VANGL1: variants seen among roughly 807,000 people sequenced by gnomAD.
VANGL1 encodes the protein VANGL planar cell polarity protein 1, also known as vang-like protein 1.
Under a neutral mutation model 48.4 loss-of-function variants are expected in VANGL1, and 18 were observed. That is an observed-to-expected ratio of 0.37 (90% CI 0.26 to 0.55). The LOEUF is 0.55. VANGL1 is among the 20% of genes least tolerant of loss of function. VANGL1 has a pLI of 0.81. For missense variants in VANGL1, 667 were observed against 675.8 expected (o/e 0.99, Z 0.14); for synonymous variants, 257 against 261.8 (o/e 0.98, Z 0.18).
chr1:115,681,976 C>T (rs1653410105), intron 4 of VANGL1, among the ~76,000 whole-genome samples: 3 of 152,246 alleles, frequency 2.0e-5, no homozygotes, highest in Admixed American at 1.3e-4. Flanking sequence ...CTCATTAGCT[C>T]TGCAACCATT....
At chr1:115,643,607 G>A (rs1377531195) in intron 1 of VANGL1, among the ~76,000 whole-genome samples, 1 of 152,216 alleles carries the variant, frequency 6.6e-6, no homozygotes, top group Non-Finnish European at 1.5e-5. Flanking sequence ...AATGTTGGCA[G>A]TGAGGCTTGC....
chr1:115,663,043 C>T (rs1652626958), intron 3 of VANGL1, among the ~76,000 whole-genome samples: 1 of 152,144 alleles, frequency 6.6e-6, no homozygotes, highest in Non-Finnish European at 1.5e-5. Flanking sequence ...CCTCGGCCTT[C>T]CAAAGTACGG....
chr1:115,690,407 G>A (rs1315492218), intron 7 of VANGL1, among the ~76,000 whole-genome samples: 2 of 152,252 alleles, frequency 1.3e-5, no homozygotes, highest in Non-Finnish European at 2.9e-5. Context: ...AGGTGCCACT[G>A]GAGCAGAGAA....
At chr1:115,665,989 G>A (rs958771097) in intron 4 of VANGL1, among the ~76,000 whole-genome samples, 7 of 152,216 alleles carry the variant, frequency 4.6e-5, no homozygotes, top group Non-Finnish European at 1.0e-4. Flanking sequence ...ATAGGTGATA[G>A]GAACACAGGA....
chr1:115,644,656 G>C (rs891429919), intron 1 of VANGL1, among the ~76,000 whole-genome samples: 6 of 152,200 alleles, frequency 3.9e-5, no homozygotes, highest in African/African-American at 1.2e-4. Flanking sequence ...TGTACCATCA[G>C]ATTTACAGAG....
Position 115,697,606 on chromosome 1 carries a change from TGAGAGAACCA to T in VANGL1, c.*6233_*6242del, listed in dbSNP as rs1341720115. On this transcript the variant is annotated 3_prime_UTR_variant, in exon 8 of 8. Transcript: ENST00000355485. ...ACCCCTTCCTCAACAGAAATGCTAC[TGAGAGAACCA>T]GAGAGGCCTGGGCCAGGCAGGTCTT... 1 of 152,208 alleles carries T rather than the reference TGAGAGAACCA, an allele frequency of 6.6e-6. No homozygotes were observed. The highest frequency in any genetic ancestry group is 1.5e-5 in the Non-Finnish European group (1 of 68,042). 9.4% of individuals were successfully genotyped at this position (152,208 alleles called of 1,614,324 possible).
At chr1:115,690,247 A>C (rs1653781724) in intron 7 of VANGL1, among the ~76,000 whole-genome samples, 1 of 152,256 alleles carries the variant, frequency 6.6e-6, no homozygotes, top group African/African-American at 2.4e-5. Flanking sequence ...CACGAGAGTC[A>C]GTGATTACAG....
At chr1:115,661,584 C>T (rs1430825643) in intron 3 of VANGL1, among the ~76,000 whole-genome samples, 3 of 151,920 alleles carry the variant, frequency 2.0e-5, no homozygotes, top group Non-Finnish European at 2.9e-5. Flanking sequence ...GTTATCCATT[C>T]TCCTAGTGGA....
At position 115,693,596 on chromosome 1, in the gene VANGL1, G is replaced by A. The variant is rs1220659320; in HGVS notation, c.*2217G>A. 1.3e-5 allele frequency: 2 copies of A among 152,084 alleles called. No individual in the cohort carries two copies. Among genetic ancestry groups the A allele is most frequent in the Non-Finnish European group, 1.5e-5 (1 of 68,008 alleles). The allele number at this position is 152,084 out of a possible 1,614,324, so 9.4% of individuals were successfully genotyped here. On this transcript the variant is annotated 3_prime_UTR_variant, in exon 8 of 8. Coordinates refer to ENST00000355485, the MANE Select transcript of VANGL1 (RefSeq NM_138959.3). ...GAATGTTAGACATTCAGAAATTACTGTTTCTGTTTTAAATTGAGTATTGAT... is the reference window on the plus strand; with the variant it reads ...GAATGTTAGACATTCAGAAATTACTATTTCTGTTTTAAATTGAGTATTGAT...
At chr1:115,650,527 A>G (rs1429001626) in intron 1 of VANGL1, among the ~76,000 whole-genome samples, 1 of 152,218 alleles carries the variant, frequency 6.6e-6, no homozygotes, top group Admixed American at 6.5e-5. Context: ...TTGTCCTTAC[A>G]TAAGCAATTT....
In VANGL1 at chr1:115,663,680, C is replaced by A. The variant is rs753271331; in HGVS notation, c.224C>A (p.Thr75Asn). ...CACCAGGATGACAACTGGGGAGAGA[C>A]CACCACGGCCATCACAGGCACCTCG... The part of the protein sequence containing the change: ...EEVQDDNWGE[T>N]TTAITGTSEH... Residue 75 changes from threonine (T) to asparagine (N), a missense_variant, in exon 4 of 8, where the codon ACC (threonine) becomes AAC (asparagine). Physicochemically the swap from Thr to Asn is moderately conservative, Grantham distance 65. Transcript: ENST00000355485. The A allele has an allele frequency of 1.2e-6, 2 of 1,614,164 alleles. No individual in the cohort carries two copies. The highest frequency in any genetic ancestry group is 1.7e-6 in the Non-Finnish European group (2 of 1,180,048).
At position 115,674,814 on chromosome 1, in the gene VANGL1, TG is replaced by T. The variant is rs577473151; in HGVS notation, c.813-7548del. On this transcript the variant is annotated intron_variant, in intron 4 of 7. Coordinates refer to ENST00000355485, the MANE Select transcript of VANGL1 (RefSeq NM_138959.3). ...GCCATAAAGTGTGAGGGCATCAGCC[TG>T]GATGAGCTCTAAAGCTCAATGTTAA... 1.4e-4 allele frequency among the ~76,000 whole-genome samples: 22 copies of T among 152,290 alleles called. 2 individuals are homozygous for T. In the South Asian group the frequency reaches 4.1e-3, roughly 29 times the overall value.
At chr1:115,683,916 C>T (rs1653488984) in intron 5 of VANGL1, 28 bp from the exon 6 acceptor site, 10 of 1,611,610 alleles carry the variant, frequency 6.2e-6, no homozygotes, top group Non-Finnish European at 8.5e-6. Flanking sequence ...GGTATTAACA[C>T]TATTCTTTCA....
intron 7 of VANGL1, 33 bp from the exon 8 acceptor site, chr1:115,691,086 T>A (rs1316654088): frequency 1.2e-6 from 2 of 1,613,974 alleles, no homozygotes; most frequent in Non-Finnish European, 1.7e-6. Flanking sequence ...ACAGGCTGTT[T>A]CTTCCCTAAT....
Position 115,682,376 on chromosome 1 carries a change from A to G in VANGL1, c.825A>G (p.Ala275=), listed in dbSNP as rs1208615869. Residue 275 remains alanine (A), a synonymous_variant, in exon 5 of 8, where the codon GCA becomes GCG. Transcript: ENST00000355485. ...YSLGHLSIQR[A]ALVVLENYYK... is the part of the protein sequence containing the mutation. ...CTTTTTTTCTCAGTATCCAGCGAGC[A>G]GCATTGGTGGTCCTAGAAAATTACT... 6.2e-7 allele frequency: 1 copy of G among 1,614,096 alleles called. No individual in the cohort carries two copies. The highest frequency in any genetic ancestry group is 1.3e-5 in the African/African-American group (1 of 74,934).
chr1:115,684,488 T>G (rs1373294006), intron 6 of VANGL1, among the ~76,000 whole-genome samples: 3 of 152,208 alleles, frequency 2.0e-5, no homozygotes, highest in Non-Finnish European at 1.5e-5. Flanking sequence ...ATGAGGTTTC[T>G]GTTTAAAAAC....
At position 115,675,018 on chromosome 1, in the gene VANGL1, A is replaced by G. The variant is rs144656906; in HGVS notation, c.813-7346A>G. On this transcript the variant is annotated intron_variant, in intron 4 of 7. Coordinates refer to ENST00000355485, the MANE Select transcript of VANGL1 (RefSeq NM_138959.3). ...CCTTTAGCTATAAAATAAGGGAGTT[A>G]AAATGGGGGTGGTTTATGGTCACGA... is the stretch of plus-strand genomic sequence containing the variant. Among the ~76,000 whole-genome samples, 508 of 152,226 alleles carry G rather than the reference A, an allele frequency of 3.3e-3. 3 individuals are homozygous for G. Among genetic ancestry groups the G allele is most frequent in the African/African-American group, 0.012 (493 of 41,516 alleles).
At chr1:115,685,177 A>C in intron 6 of VANGL1, 116 bp from the exon 7 acceptor site, 1 of 1,077,316 alleles carries the variant, frequency 9.3e-7, no homozygotes, top group South Asian at 1.3e-5. Context: ...AAGCAGCGTG[A>C]TTGGGCCTTG....
intron 3 of VANGL1, among the ~76,000 whole-genome samples, chr1:115,663,282 A>G (rs1019348379): frequency 1.3e-5 from 2 of 152,180 alleles, no homozygotes; most frequent in Non-Finnish European, 2.9e-5. Context: ...GTTTATCTCT[A>G]TAGATGAGCT....
Sources: gnomAD v4.1 joint callset for allele counts (sites outside exome capture counted in the v4.1 genomes callset) on GRCh38, gnomAD v4.1.1 for gene constraint, MANE v1.5 for transcripts, NCBI Gene and HGNC (gene_info 2026-07-23, HGNC 2026-07-21) for gene names.